The following PAWR variants were observed in gnomAD, a reference collection of about 807,000 sequenced individuals.
PAWR encodes the protein pro-apoptotic WT1 regulator.
Under a neutral mutation model 32.0 loss-of-function variants are expected in PAWR, and 23 were observed. The observed-to-expected ratio is 0.72, with a 90% confidence interval of 0.52 to 1.02. The LOEUF (loss-of-function observed/expected upper bound fraction) is 1.02, where lower values mean the gene tolerates loss of function less well. PAWR is among the 50% of genes least tolerant of loss of function. PAWR has a pLI of 0.00. For missense variants in PAWR, 457 were observed against 437.7 expected (o/e 1.04, Z -0.39); for synonymous variants, 226 against 187.1 (o/e 1.21, Z -1.70).
intron 2 of PAWR, among the ~76,000 whole-genome samples, chr12:79,635,201 C>T (rs1017848198): frequency 2.0e-5 from 3 of 152,108 alleles, no homozygotes; most frequent in African/African-American, 7.2e-5. Flanking sequence ...TCAACTGGAA[C>T]TTATTTAATT....
At chr12:79,650,714 TAAAAAA>T (rs34166197) in intron 2 of PAWR, among the ~76,000 whole-genome samples, 1 of 113,074 alleles carries the variant, frequency 8.8e-6, no homozygotes, top group East Asian at 2.6e-4. Context: ...TAAAGGTTAT[TAAAAAA>T]AAAAAAAAAA....
At chr12:79,623,769 T>A (rs1003387373) in intron 2 of PAWR, among the ~76,000 whole-genome samples, 1 of 152,132 alleles carries the variant, frequency 6.6e-6, no homozygotes, top group Admixed American at 6.5e-5. Flanking sequence ...TAGTGGTGCA[T>A]CATCTGGAAG....
At position 79,591,968 on chromosome 12, in the gene PAWR, A is replaced by C. The variant is rs990585243; in HGVS notation, c.*639T>G. On this transcript the variant is annotated 3_prime_UTR_variant, in exon 7 of 7. Coordinates refer to ENST00000328827, the MANE Select transcript of PAWR (RefSeq NM_002583.4). ...AAAGTGATTCAATTTTTCAATATTC[A>C]AACACAAAATAGTAAATTTTTATTT... The C allele has an allele frequency of 6.6e-6, 1 of 152,604 alleles. No individual in the cohort carries two copies. Among genetic ancestry groups the C allele is most frequent in the Non-Finnish European group, 1.5e-5 (1 of 67,994 alleles). 9.5% of individuals were successfully genotyped at this position (152,604 alleles called of 1,614,324 possible).
chr12:79,607,222 G>A (rs1565999787), intron 4 of PAWR, among the ~76,000 whole-genome samples: 2 of 151,998 alleles, frequency 1.3e-5, no homozygotes, highest in South Asian at 2.1e-4. Flanking sequence ...TCAGGAGTTT[G>A]AGACCAGCCT....
At chr12:79,599,106 A>G (rs1438461647) in intron 4 of PAWR, among the ~76,000 whole-genome samples, 2 of 152,196 alleles carry the variant, frequency 1.3e-5, no homozygotes, top group South Asian at 4.1e-4. Context: ...TCAGACAAAA[A>G]GCTAACTCAC....
intron 3 of PAWR, among the ~76,000 whole-genome samples, chr12:79,614,832 C>T (rs761086136): frequency 1.3e-5 from 2 of 152,138 alleles, no homozygotes; most frequent in African/African-American, 2.4e-5. Flanking sequence ...GGAACCAGTA[C>T]AGCAAACCAT....
chr12:79,618,381 G>A (rs535013035), intron 3 of PAWR, among the ~76,000 whole-genome samples: 3 of 152,228 alleles, frequency 2.0e-5, no homozygotes, highest in African/African-American at 4.8e-5. Flanking sequence ...CACCCACTTC[G>A]GCCTCCCAGA....
chr12:79,639,881 T>TATTCCTATTCCCATTCCC, intron 2 of PAWR, among the ~76,000 whole-genome samples: 1 of 112,502 alleles, frequency 8.9e-6, no homozygotes, highest in African/African-American at 5.1e-5. Flanking sequence ...TTCCTATTCC[T>TATTCCTATTCCCATTCCC]ATTCCATTCC....
At chr12:79,668,961 C>T (rs1033588011) in intron 2 of PAWR, among the ~76,000 whole-genome samples, 2 of 152,214 alleles carry the variant, frequency 1.3e-5, no homozygotes, top group African/African-American at 4.8e-5. Context: ...CATGCACTTC[C>T]AACTGTGTGC....
Position 79,585,264 on chromosome 12 carries a change from CA to C in PAWR, c.*7342del. 1 of 362,212 alleles carries C rather than the reference CA, an allele frequency of 2.8e-6. No homozygotes were observed. The highest frequency in any genetic ancestry group is 5.3e-6 in the Non-Finnish European group (1 of 188,334). The allele number at this position is 362,212 out of a possible 1,614,324, so 22.4% of individuals were successfully genotyped here. ...AATAGAAATGCATACTGCAGTGGCTCAAAAACTTAGGCCTGCATCAAAATTA... is the reference window on the plus strand; with the variant it reads ...AATAGAAATGCATACTGCAGTGGCTCAAAACTTAGGCCTGCATCAAAATTA... On this transcript the variant is annotated 3_prime_UTR_variant, in exon 7 of 7. Coordinates refer to ENST00000328827, the MANE Select transcript of PAWR (RefSeq NM_002583.4).
At chr12:79,638,797 GT>G in intron 2 of PAWR, among the ~76,000 whole-genome samples, 1 of 132,124 alleles carries the variant, frequency 7.6e-6, no homozygotes, top group Admixed American at 8.2e-5. Context: ...TGGGGTGTGT[GT>G]GTGTGTGTGT....
intron 2 of PAWR, among the ~76,000 whole-genome samples, chr12:79,649,504 GAGCT>G (rs761471237): frequency 2.2e-4 from 34 of 152,224 alleles, no homozygotes; most frequent in Non-Finnish European, 3.8e-4. Context: ...TAAGGAAATA[GAGCT>G]AGTCTCAGTG....
intron 3 of PAWR, among the ~76,000 whole-genome samples, 187 bp from the exon 4 acceptor site, chr12:79,613,796 T>A (rs908513402): frequency 6.6e-6 from 1 of 150,566 alleles, no homozygotes; most frequent in Non-Finnish European, 1.5e-5. Flanking sequence ...TCCAAATCAA[T>A]CACTTTTTTA....
intron 3 of PAWR, 72 bp downstream of exon 3, chr12:79,621,004 C>T: frequency 9.0e-7 from 1 of 1,110,276 alleles, no homozygotes; most frequent in Admixed American, 2.2e-5. Flanking sequence ...TTACTACATA[C>T]AACTCAAGAG....
At chr12:79,602,942 A>C (rs1874020658) in intron 4 of PAWR, among the ~76,000 whole-genome samples, 1 of 152,070 alleles carries the variant, frequency 6.6e-6, no homozygotes, top group Admixed American at 6.5e-5. Context: ...AATAAAGTCT[A>C]AGATTAACAG....
chr12:79,659,482 A>C (rs1015998501), intron 2 of PAWR, among the ~76,000 whole-genome samples: 1 of 152,188 alleles, frequency 6.6e-6, no homozygotes, highest in African/African-American at 2.4e-5. Flanking sequence ...TCATGTTAGC[A>C]GCCAATTCCC....
In PAWR at chr12:79,602,348, T is replaced by G. The variant is rs1592493022; in HGVS notation, c.684-5690A>C. ...CCCTTTGGAGACCACTGATTCAGAC[T>G]CCATTTAAAGGTAATGGTAAGCCAT... is the stretch of plus-strand genomic sequence containing the variant. On this transcript the variant is annotated intron_variant, in intron 4 of 6. Transcript: ENST00000328827. Among the ~76,000 whole-genome samples the G allele has an allele frequency of 2.6e-5, 4 of 152,322 alleles. No homozygotes were observed. The East Asian group carries it at 7.7e-4, about 29-fold the overall frequency.
chr12:79,656,153 ACG>A (rs771828781), intron 2 of PAWR, among the ~76,000 whole-genome samples: 1 of 152,234 alleles, frequency 6.6e-6, no homozygotes, highest in Non-Finnish European at 1.5e-5. Flanking sequence ...GGGAGCAAAG[ACG>A]AAAACACGAA....
intron 4 of PAWR, among the ~76,000 whole-genome samples, chr12:79,606,667 T>C (rs969982975): frequency 2.6e-5 from 4 of 152,186 alleles, no homozygotes; most frequent in Admixed American, 6.5e-5. Context: ...ATCCAGTCAT[T>C]TGGAGTTTAA....
Sources: allele counts gnomAD v4.1 joint callset (sites outside exome capture counted in the v4.1 genomes callset), GRCh38; gene constraint gnomAD v4.1.1; transcripts MANE v1.5; gene names NCBI Gene and HGNC (gene_info 2026-07-23, HGNC 2026-07-21).